PRKG1: variants seen among roughly 807,000 people sequenced by gnomAD.
PRKG1 encodes the protein cGMP-dependent protein kinase 1.
Under a neutral mutation model 88.1 loss-of-function variants are expected in PRKG1, and 35 were observed. The ratio of observed to expected loss-of-function variants is 0.40; its 90% CI spans 0.30 to 0.53. The LOEUF (loss-of-function observed/expected upper bound fraction) is 0.53. Ranked by LOEUF, PRKG1 falls within the 20% of genes least tolerant of loss-of-function variation. The probability of loss-of-function intolerance (pLI) is 0.59; values close to 1 mark genes in which losing one functional copy is unlikely to be tolerated. For synonymous variants in PRKG1, 303 were observed against 292.5 expected (o/e 1.04, Z -0.37); for missense variants, 540 against 839.8 (o/e 0.64, Z 4.41).
chr10:51,635,992 T>C (rs1228086139), intron 3 of PRKG1, among the ~76,000 whole-genome samples: 1 of 152,210 alleles, frequency 6.6e-6, no homozygotes, highest in Non-Finnish European at 1.5e-5. Flanking sequence ...GGTACCTTGG[T>C]TGAAGTAAAT....
At chr10:51,562,766 C>CTTTA (rs1454089472) in intron 3 of PRKG1, among the ~76,000 whole-genome samples, 10 of 151,736 alleles carry the variant, frequency 6.6e-5, no homozygotes, top group South Asian at 2.1e-4. Flanking sequence ...AAGCATCATA[C>CTTTA]TTTATTTATT....
intron 2 of PRKG1, among the ~76,000 whole-genome samples, chr10:51,283,602 T>C (rs1416163875): frequency 6.6e-6 from 1 of 152,072 alleles, no homozygotes; most frequent in Non-Finnish European, 1.5e-5. Context: ...TTTAGGGTGG[T>C]GGGACAAGAC....
In PRKG1 at chr10:52,193,262, G is replaced by A. The variant is rs150641611; in HGVS notation, c.1076+31299G>A. On this transcript the variant is annotated intron_variant, in intron 9 of 17. Coordinates refer to ENST00000373980, the MANE Select transcript of PRKG1 (RefSeq NM_006258.4). ...ACATCTTAGAACTATTCTAAATGTCGGGCCGGGCGCAGTGGTTCATGCCTG... is the reference window on the plus strand; with the variant it reads ...ACATCTTAGAACTATTCTAAATGTCAGGCCGGGCGCAGTGGTTCATGCCTG... 1.2e-3 allele frequency among the ~76,000 whole-genome samples: 186 copies of A among 151,766 alleles called. 1 individual carries two copies. Among genetic ancestry groups the A allele is most frequent in the African/African-American group, 4.4e-3 (181 of 41,378 alleles).
chr10:51,154,632 A>G (rs941304861), intron 2 of PRKG1, among the ~76,000 whole-genome samples: 1 of 151,928 alleles, frequency 6.6e-6, no homozygotes. Flanking sequence ...ATTCTTTGTC[A>G]TCTTTTTGGA....
chr10:51,269,810 C>G, intron 2 of PRKG1, among the ~76,000 whole-genome samples: 1 of 152,098 alleles, frequency 6.6e-6, no homozygotes, highest in East Asian at 1.9e-4. Flanking sequence ...GAAATCACCA[C>G]TAATGAACTT....
intron 4 of PRKG1, among the ~76,000 whole-genome samples, chr10:51,853,548 C>A (rs938371618): frequency 4.6e-5 from 7 of 152,138 alleles, no homozygotes; most frequent in African/African-American, 1.7e-4. Flanking sequence ...ACTTTAACAT[C>A]CTTGAAAGAC....
At chr10:51,068,555 G>A (rs1317737989) in intron 1 of PRKG1, 1 of 151,930 alleles carries the variant, frequency 6.6e-6, no homozygotes, top group African/African-American at 2.4e-5. Flanking sequence ...TACAAAACCT[G>A]TAAGAAGAAA....
At chr10:52,170,201 AAAG>A (rs1838626161) in intron 9 of PRKG1, among the ~76,000 whole-genome samples, 1 of 152,170 alleles carries the variant, frequency 6.6e-6, no homozygotes, top group African/African-American at 2.4e-5. Flanking sequence ...GACAAAGAAG[AAAG>A]AAGGACACTA....
chr10:51,670,791 T>C (rs577609122), intron 3 of PRKG1, among the ~76,000 whole-genome samples: 3 of 149,400 alleles, frequency 2.0e-5, no homozygotes, highest in Non-Finnish European at 3.0e-5. Flanking sequence ...TAAATAAAAA[T>C]GCAAGATACA....
At chr10:52,014,179 A>C (rs1279821564) in intron 5 of PRKG1, among the ~76,000 whole-genome samples, 2 of 152,200 alleles carry the variant, frequency 1.3e-5, no homozygotes, top group Non-Finnish European at 2.9e-5. Flanking sequence ...ACATTGCTAT[A>C]AAGAAACTAC....
At chr10:51,007,965 G>A (rs1842957730) in intron 1 of PRKG1, among the ~76,000 whole-genome samples, 1 of 152,186 alleles carries the variant, frequency 6.6e-6, no homozygotes, top group Non-Finnish European at 1.5e-5. Context: ...TCTGTACAGA[G>A]GAGGAGACTC....
chr10:51,441,227 T>A (rs185663998), intron 2 of PRKG1, among the ~76,000 whole-genome samples: 1 of 152,116 alleles, frequency 6.6e-6, no homozygotes, highest in African/African-American at 2.4e-5. Flanking sequence ...TTATTCTTAC[T>A]TAGACCATCT....
chr10:51,323,147 G>A (rs1306407017), intron 2 of PRKG1, among the ~76,000 whole-genome samples: 1 of 152,074 alleles, frequency 6.6e-6, no homozygotes. Flanking sequence ...GACAGAGGTG[G>A]AACTCAAACC....
chr10:51,964,704 C>A (rs1459851960), intron 5 of PRKG1, among the ~76,000 whole-genome samples: 2 of 152,092 alleles, frequency 1.3e-5, no homozygotes, highest in Non-Finnish European at 2.9e-5. Context: ...CAGAGAAAAA[C>A]TGAACTGAAA....
At chr10:52,230,510 G>T (rs1282238051) in intron 9 of PRKG1, among the ~76,000 whole-genome samples, 1 of 152,210 alleles carries the variant, frequency 6.6e-6, no homozygotes, top group Non-Finnish European at 1.5e-5. Flanking sequence ...GAAAACTGAG[G>T]CAGATGAATT....
At chr10:51,692,237 A>T (rs1166278810) in intron 3 of PRKG1, among the ~76,000 whole-genome samples, 2 of 151,466 alleles carry the variant, frequency 1.3e-5, no homozygotes, top group African/African-American at 4.9e-5. Context: ...GCCTTTTTAA[A>T]AAAAAAAAAT....
intron 3 of PRKG1, among the ~76,000 whole-genome samples, chr10:51,782,653 G>T (rs1307230409): frequency 6.6e-6 from 1 of 152,086 alleles, no homozygotes; most frequent in Non-Finnish European, 1.5e-5. Context: ...ACTGAATCTG[G>T]GGGTGGTTTC....
At chr10:51,848,747 T>A (rs567736907) in intron 4 of PRKG1, among the ~76,000 whole-genome samples, 2 of 152,164 alleles carry the variant, frequency 1.3e-5, no homozygotes, top group South Asian at 2.1e-4. Flanking sequence ...CCTCAAGTGA[T>A]CTTCCTGACT....
intron 9 of PRKG1, among the ~76,000 whole-genome samples, chr10:52,231,565 CA>C (rs1840523397): frequency 6.6e-6 from 1 of 152,248 alleles, no homozygotes; most frequent in African/African-American, 2.4e-5. Flanking sequence ...GCTTATTAAG[CA>C]AACTTTTGAT....
Sources: gnomAD v4.1 joint callset for allele counts (sites outside exome capture counted in the v4.1 genomes callset) on GRCh38, gnomAD v4.1.1 for gene constraint, MANE v1.5 for transcripts, NCBI Gene and HGNC (gene_info 2026-07-23, HGNC 2026-07-21) for gene names.